Variants in GRID2 observed in about 807,000 individuals in gnomAD.
GRID2 encodes the protein glutamate ionotropic receptor delta type subunit 2, also known as glutamate receptor ionotropic, delta-2.
In GRID2, 33 loss-of-function variants were observed where a neutral mutation model predicts 114.8. The ratio of observed to expected loss-of-function variants is 0.29; its 90% confidence interval spans 0.22 to 0.38. The LOEUF is 0.38. GRID2 is among the 10% of genes least tolerant of loss of function. The probability of loss-of-function intolerance (pLI) is 1.00; values close to 1 mark genes in which losing one functional copy is unlikely to be tolerated. For synonymous variants in GRID2, 505 were observed against 449.9 expected (o/e 1.12, Z -1.55); for missense variants, 1,184 against 1,257.7 (o/e 0.94, Z 0.89).
At chr4:92,356,817 A>G (rs1046775498) in intron 1 of GRID2, among the ~76,000 whole-genome samples, 2 of 151,838 alleles carry the variant, frequency 1.3e-5, no homozygotes, top group Non-Finnish European at 2.9e-5. Flanking sequence ...CAAAAAGCCA[A>G]CCCAGAAACA....
chr4:92,732,115 ATGT>A (rs1336281378), intron 2 of GRID2, among the ~76,000 whole-genome samples: 19 of 151,980 alleles, frequency 1.3e-4, no homozygotes, highest in Non-Finnish European at 2.1e-4. Context: ...GAAATGAGCA[ATGT>A]TTAGTATATT....
chr4:92,373,139 G>A (rs1315682110), intron 1 of GRID2, among the ~76,000 whole-genome samples: 2 of 152,068 alleles, frequency 1.3e-5, no homozygotes, highest in Admixed American at 1.3e-4. Flanking sequence ...TGTCTGCATT[G>A]GATAATGTCA....
chr4:93,182,311 T>G (rs959361805), intron 4 of GRID2, among the ~76,000 whole-genome samples: 3 of 152,096 alleles, frequency 2.0e-5, no homozygotes, highest in Non-Finnish European at 4.4e-5. Flanking sequence ...CTAATGATGT[T>G]ATACCTCTAT....
intron 1 of GRID2, among the ~76,000 whole-genome samples, chr4:92,356,201 A>T (rs192861146): frequency 5.6e-4 from 85 of 151,696 alleles, no homozygotes; most frequent in African/African-American, 1.9e-3. Flanking sequence ...GAGTAAAGAA[A>T]TTTCCTCCAA....
chr4:93,525,354 AC>A (rs1730780605), intron 13 of GRID2, among the ~76,000 whole-genome samples: 1 of 152,186 alleles, frequency 6.6e-6, no homozygotes, highest in African/African-American at 2.4e-5. Context: ...TGTGCAAGAA[AC>A]AAAAAGCAAT....
At chr4:93,615,616 CTAA>C (rs1741543860) in intron 13 of GRID2, among the ~76,000 whole-genome samples, 1 of 145,920 alleles carries the variant, frequency 6.9e-6, no homozygotes. Flanking sequence ...TTATTATGTG[CTAA>C]TAATAAAAGG....
chr4:92,526,469 A>G (rs6848250), intron 1 of GRID2, among the ~76,000 whole-genome samples: 61,968 of 151,780 alleles, frequency 0.41, 12,732 homozygotes, highest in African/African-American at 0.44. Flanking sequence ...TCAGTCTCCC[A>G]AGTAGCTGGG....
intron 2 of GRID2, among the ~76,000 whole-genome samples, chr4:92,592,828 T>A (rs1426986138): frequency 6.6e-6 from 1 of 151,882 alleles, no homozygotes; most frequent in African/African-American, 2.4e-5. Flanking sequence ...ATAGAATTTT[T>A]TTTGTAAAAC....
intron 13 of GRID2, among the ~76,000 whole-genome samples, chr4:93,538,642 GCATTCCAC>G (rs1256279740): frequency 1.3e-5 from 2 of 151,664 alleles, no homozygotes; most frequent in Non-Finnish European, 3.0e-5. Flanking sequence ...GATGGGAGAG[GCATTCCAC>G]TACCATGGTA....
At chr4:93,684,888 T>C (rs758003030) in intron 14 of GRID2, among the ~76,000 whole-genome samples, 8 of 152,026 alleles carry the variant, frequency 5.3e-5, no homozygotes, top group Non-Finnish European at 7.4e-5. Context: ...AAACTCTTTA[T>C]CATAACATAT....
At chr4:93,679,845 C>A (rs1725325850) in intron 14 of GRID2, among the ~76,000 whole-genome samples, 1 of 150,768 alleles carries the variant, frequency 6.6e-6, no homozygotes, top group African/African-American at 2.5e-5. Context: ...AAAATTGACA[C>A]CCTAACATCA....
intron 2 of GRID2, among the ~76,000 whole-genome samples, chr4:93,016,446 T>C (rs956429569): frequency 6.6e-6 from 1 of 152,118 alleles, no homozygotes; most frequent in Non-Finnish European, 1.5e-5. Flanking sequence ...AAGAGGATAG[T>C]AGAGTAAAGA....
At chr4:92,635,352 T>A (rs532383137) in intron 2 of GRID2, among the ~76,000 whole-genome samples, 2 of 152,232 alleles carry the variant, frequency 1.3e-5, no homozygotes, top group South Asian at 2.1e-4. Context: ...TCCCGATATT[T>A]GTAACTTAGA....
intron 8 of GRID2, among the ~76,000 whole-genome samples, chr4:93,378,910 C>T (rs1173235120): frequency 6.6e-6 from 1 of 152,040 alleles, no homozygotes. Flanking sequence ...CATCCCTGTA[C>T]AAAACTTCCT....
At chr4:93,414,615 C>A (rs1032845365) in intron 9 of GRID2, among the ~76,000 whole-genome samples, 3 of 151,438 alleles carry the variant, frequency 2.0e-5, no homozygotes, top group African/African-American at 7.3e-5. Context: ...ACAATCATTT[C>A]TCACATATGC....
chr4:92,424,262 C>T (rs967791125), intron 1 of GRID2, among the ~76,000 whole-genome samples: 3 of 152,044 alleles, frequency 2.0e-5, no homozygotes, highest in African/African-American at 7.2e-5. Context: ...GTTATTCTTT[C>T]TTCAAAGGAC....
chr4:93,314,006 A>G (rs1420203975), intron 8 of GRID2, among the ~76,000 whole-genome samples: 1 of 152,138 alleles, frequency 6.6e-6, no homozygotes, highest in Non-Finnish European at 1.5e-5. Context: ...GAACTATTGT[A>G]TAAGAATGAA....
intron 8 of GRID2, among the ~76,000 whole-genome samples, chr4:93,390,403 T>C (rs1764737537): frequency 6.6e-6 from 1 of 152,170 alleles, no homozygotes; most frequent in Admixed American, 6.5e-5. Flanking sequence ...ATAACAAACA[T>C]TTCTTTAGTC....
intron 8 of GRID2, among the ~76,000 whole-genome samples, chr4:93,367,086 T>C (rs2149284601): frequency 6.6e-6 from 1 of 152,202 alleles, no homozygotes; most frequent in Non-Finnish European, 1.5e-5. Context: ...AGATGAAATG[T>C]ATGCTTTTGA....
Sources: allele counts gnomAD v4.1 joint callset (sites outside exome capture counted in the v4.1 genomes callset), GRCh38; gene constraint gnomAD v4.1.1; transcripts MANE v1.5; gene names NCBI Gene and HGNC (gene_info 2026-07-23, HGNC 2026-07-21).